Variants in CHST11 observed in about 807,000 individuals in gnomAD.
CHST11 encodes carbohydrate sulfotransferase 11.
Under a neutral mutation model 30.4 loss-of-function variants are expected in CHST11, and 9 were observed. That is an observed-to-expected ratio of 0.30 (90% CI 0.18 to 0.52). The LOEUF is 0.52. Ranked by LOEUF, CHST11 falls within the 20% of genes least tolerant of loss-of-function variation. The probability of loss-of-function intolerance (pLI) is 0.97; values close to 1 mark genes in which losing one functional copy is unlikely to be tolerated. For missense variants in CHST11, 348 were observed against 460.6 expected, an observed-to-expected ratio of 0.76 and a Z score of 2.24; for synonymous variants, 152 against 187.8, an observed-to-expected ratio of 0.81 and a Z score of 1.56.
At chr12:104,654,362 A>C (rs1186357619) in intron 2 of CHST11, among the ~76,000 whole-genome samples, 1 of 152,108 alleles carries the variant, frequency 6.6e-6, no homozygotes, top group Non-Finnish European at 1.5e-5. Flanking sequence ...TAGGGCTGAG[A>C]GCGTGAGAAG....
At chr12:104,682,483 T>C (rs1482728471) in intron 2 of CHST11, among the ~76,000 whole-genome samples, 1 of 152,238 alleles carries the variant, frequency 6.6e-6, no homozygotes, top group Non-Finnish European at 1.5e-5. Flanking sequence ...GTTGTGTCCT[T>C]GGTGACAAGC....
chr12:104,627,030 C>G (rs536376953), intron 2 of CHST11, among the ~76,000 whole-genome samples: 35 of 152,288 alleles, frequency 2.3e-4, no homozygotes, highest in African/African-American at 8.2e-4. Flanking sequence ...ACTGGCAACC[C>G]CTGATCTTTT....
intron 1 of CHST11, among the ~76,000 whole-genome samples, chr12:104,513,651 C>G (rs2037992009): frequency 6.6e-6 from 1 of 152,152 alleles, no homozygotes; most frequent in Admixed American, 6.5e-5. Flanking sequence ...ACCATCTGTG[C>G]CATAAGATGG....
chr12:104,602,117 A>G, intron 2 of CHST11, 126 bp downstream of exon 2: 2 of 677,306 alleles, frequency 3.0e-6, no homozygotes, highest in Non-Finnish European at 5.2e-6. Flanking sequence ...TTTTACCTTC[A>G]GTGGTTGCTT....
intron 2 of CHST11, among the ~76,000 whole-genome samples, chr12:104,704,767 G>A (rs747703033): frequency 2.0e-5 from 3 of 152,196 alleles, no homozygotes; most frequent in Middle Eastern, 6.8e-3. Context: ...CCTTTGGAGG[G>A]CTCAGATGCC....
At chr12:104,508,328 G>T (rs970724535) in intron 1 of CHST11, among the ~76,000 whole-genome samples, 1 of 152,172 alleles carries the variant, frequency 6.6e-6, no homozygotes, top group Non-Finnish European at 1.5e-5. Flanking sequence ...TGGGCTTCAG[G>T]TGCTTCCTCT....
At chr12:104,654,995 C>A (rs1030976206) in intron 2 of CHST11, among the ~76,000 whole-genome samples, 1 of 152,210 alleles carries the variant, frequency 6.6e-6, no homozygotes, top group Non-Finnish European at 1.5e-5. Context: ...ACACATGTAG[C>A]TCTCCTTTCT....
intron 1 of CHST11, among the ~76,000 whole-genome samples, chr12:104,519,071 GGTGTGTGTGT>G (rs10628757): frequency 7.2e-6 from 1 of 139,570 alleles, no homozygotes; most frequent in Non-Finnish European, 1.5e-5. Flanking sequence ...GGACTCTTGA[GGTGTGTGTGT>G]GTGTGTGTGT....
chr12:104,498,033 C>T (rs546674667), intron 1 of CHST11, among the ~76,000 whole-genome samples: 2 of 150,548 alleles, frequency 1.3e-5, no homozygotes, highest in East Asian at 2.0e-4. Context: ...ATTCTCGTGC[C>T]TCAGCCTCCC....
Position 104,629,586 on chromosome 12 carries a change from C to T in CHST11, c.204+27595C>T, listed in dbSNP as rs552639981. Among the ~76,000 whole-genome samples the T allele has an allele frequency of 4.7e-4, 71 of 150,766 alleles. 1 individual carries two copies. Among genetic ancestry groups the T allele is most frequent in the African/African-American group, 1.6e-3 (66 of 41,210 alleles). ...CCTATAATCCCAACACTTTGGGAGGCCGAGGCAGGCAGATCACTTGAGGCC... is the reference window on the plus strand; with the variant it reads ...CCTATAATCCCAACACTTTGGGAGGTCGAGGCAGGCAGATCACTTGAGGCC... On this transcript the variant is annotated intron_variant, in intron 2 of 2. Coordinates refer to ENST00000303694, the MANE Select transcript of CHST11 (RefSeq NM_018413.6).
chr12:104,634,345 C>A (rs2039302334), intron 2 of CHST11, among the ~76,000 whole-genome samples: 3 of 152,128 alleles, frequency 2.0e-5, no homozygotes, highest in Non-Finnish European at 4.4e-5. Context: ...CTGCATCTTC[C>A]TTGGGAATCC....
rs2037375556 is a variant in CHST11 at position 104,458,367 on chromosome 12, C to T, written c.118+838C>T. 6.6e-6 allele frequency among the ~76,000 whole-genome samples: 1 copy of T among 152,234 alleles called. No homozygotes were observed. Among genetic ancestry groups the T allele is most frequent in the African/African-American group, 2.4e-5 (1 of 41,484 alleles). ...TCTGGGATCCGAGCAACGGGAATCC[C>T]CCGGGCGGCGTGGGAATGAACCCCA... On this transcript the variant is annotated intron_variant, in intron 1 of 2. Coordinates refer to ENST00000303694, the MANE Select transcript of CHST11 (RefSeq NM_018413.6). The surrounding 1 kb of genome is among the most constrained non-coding windows in gnomAD (Gnocchi z 5.7).
At chr12:104,652,298 G>A (rs931113243) in intron 2 of CHST11, among the ~76,000 whole-genome samples, 1 of 152,156 alleles carries the variant, frequency 6.6e-6, no homozygotes, top group Non-Finnish European at 1.5e-5. Context: ...GGTAATTGTC[G>A]GCAGCGGGAT....
intron 2 of CHST11, among the ~76,000 whole-genome samples, chr12:104,638,569 T>C (rs892858067): frequency 3.0e-4 from 46 of 152,142 alleles, no homozygotes; most frequent in African/African-American, 9.9e-4. Context: ...ATTTGGGTAG[T>C]GGGCAGGATA....
Position 104,729,783 on chromosome 12 carries a change from G to A in CHST11, c.205-27166G>A, listed in dbSNP as rs1435022064. Among the ~76,000 whole-genome samples, 2 of 152,190 alleles carry A rather than the reference G, an allele frequency of 1.3e-5. No homozygotes were observed. The highest frequency in any genetic ancestry group is 2.4e-5 in the African/African-American group (1 of 41,450). On this transcript the variant is annotated intron_variant, in intron 2 of 2. Coordinates refer to ENST00000303694, the MANE Select transcript of CHST11 (RefSeq NM_018413.6). The surrounding 1 kb of genome is among the most constrained non-coding windows in gnomAD (Gnocchi z 4.0). ...CGATGGCGCTGGGGCAGAGGTCTGC[G>A]GAGAGTAGGTTGGGTTTAGAAAAAT...
chr12:104,543,529 A>T (rs762755061), intron 1 of CHST11, among the ~76,000 whole-genome samples: 3 of 152,154 alleles, frequency 2.0e-5, no homozygotes, highest in Non-Finnish European at 4.4e-5. Flanking sequence ...TTTGCAGAGA[A>T]ATGTGGTGTT....
intron 1 of CHST11, among the ~76,000 whole-genome samples, chr12:104,488,988 G>C (rs925343166): frequency 1.3e-5 from 2 of 151,662 alleles, no homozygotes; most frequent in Non-Finnish European, 2.9e-5. Context: ...TTTTACCTCT[G>C]TGCACCTCCC....
intron 2 of CHST11, among the ~76,000 whole-genome samples, chr12:104,754,017 C>T (rs2040455280): frequency 6.6e-6 from 1 of 152,242 alleles, no homozygotes; most frequent in African/African-American, 2.4e-5. Flanking sequence ...GGCCTCTTTG[C>T]ACATATAGAT....
chr12:104,577,693 A>G (rs938603882), intron 1 of CHST11, among the ~76,000 whole-genome samples: 7 of 152,240 alleles, frequency 4.6e-5, no homozygotes, highest in African/African-American at 1.7e-4. Flanking sequence ...AGAATAGAGG[A>G]TATCTGTGAA....
Sources: allele counts gnomAD v4.1 joint callset (sites outside exome capture counted in the v4.1 genomes callset), GRCh38; gene constraint gnomAD v4.1.1; non-coding constraint Gnocchi (gnomAD v3.1); transcripts MANE v1.5; gene names NCBI Gene and HGNC (gene_info 2026-07-23, HGNC 2026-07-21).